MYRIP: variants seen among roughly 807,000 people sequenced by gnomAD.
The protein encoded by MYRIP is rab effector MyRIP.
In MYRIP, 49 loss-of-function variants were observed where a neutral mutation model predicts 98.0. That is an observed-to-expected ratio of 0.50 (90% CI 0.40 to 0.63). The LOEUF is 0.63. Ranked by LOEUF, MYRIP falls within the 30% of genes least tolerant of loss-of-function variation. The probability of loss-of-function intolerance (pLI) is 0.00; values close to 1 mark genes in which losing one functional copy is unlikely to be tolerated. For synonymous variants in MYRIP, 404 were observed against 409.5 expected (o/e 0.99, Z 0.16); for missense variants, 1,004 against 1,058.2 (o/e 0.95, Z 0.71).
chr3:39,896,269 C>T lies in MYRIP; in HGVS notation c.-30-4518C>T, dbSNP rs181584223. On this transcript the variant is annotated intron_variant, in intron 1 of 16. Coordinates refer to ENST00000302541, the MANE Select transcript of MYRIP (RefSeq NM_015460.4). ...GACATTTTGCATAAGTTGGGTGGCA[C>T]GCCTGGTCCAGTCAGCTGTGCCCCA... 1.1e-4 allele frequency among the ~76,000 whole-genome samples: 17 copies of T among 152,296 alleles called. No homozygotes were observed. In the East Asian group the frequency reaches 2.9e-3, roughly 26 times the overall value.
At chr3:40,065,591 T>C (rs549535871) in intron 3 of MYRIP, among the ~76,000 whole-genome samples, 3 of 152,250 alleles carry the variant, frequency 2.0e-5, no homozygotes, top group Admixed American at 6.5e-5. Flanking sequence ...GAAAGAGATA[T>C]AAACAATGAC....
At chr3:39,828,364 G>A (rs1221492410) in intron 1 of MYRIP, among the ~76,000 whole-genome samples, 1 of 151,738 alleles carries the variant, frequency 6.6e-6, no homozygotes, top group Non-Finnish European at 1.5e-5. Context: ...CTTTTGTCCT[G>A]TGTTGTCTGT....
chr3:40,184,683 T>C (rs547764178), intron 9 of MYRIP, among the ~76,000 whole-genome samples: 31 of 152,242 alleles, frequency 2.0e-4, no homozygotes, highest in Non-Finnish European at 4.4e-4. Flanking sequence ...AGATGCTCTA[T>C]TTCACAAAAT....
intron 2 of MYRIP, among the ~76,000 whole-genome samples, chr3:39,941,021 G>T (rs1944770811): frequency 6.6e-6 from 1 of 152,092 alleles, no homozygotes; most frequent in Admixed American, 6.5e-5. Context: ...AAAAGTGAAT[G>T]AAAAAGGTAA....
intron 2 of MYRIP, among the ~76,000 whole-genome samples, chr3:39,974,563 C>A (rs561961287): frequency 1.3e-5 from 2 of 152,326 alleles, no homozygotes; most frequent in African/African-American, 4.8e-5. Context: ...AGGCCAGCAT[C>A]ATCCCGGTAC....
At chr3:39,837,718 C>T (rs1202600475) in intron 1 of MYRIP, among the ~76,000 whole-genome samples, 1 of 151,974 alleles carries the variant, frequency 6.6e-6, no homozygotes, top group Non-Finnish European at 1.5e-5. Flanking sequence ...TGGTTCCATA[C>T]AAAATTTAAA....
intron 3 of MYRIP, among the ~76,000 whole-genome samples, chr3:40,137,957 G>A (rs1053026327): frequency 6.6e-6 from 1 of 152,140 alleles, no homozygotes; most frequent in Non-Finnish European, 1.5e-5. Context: ...ATACATCTAT[G>A]TCATAAATTT....
At position 40,145,474 on chromosome 3, in the gene MYRIP, G is replaced by A. The variant is rs191188039; in HGVS notation, c.333-5574G>A. On this transcript the variant is annotated intron_variant, in intron 3 of 16. Coordinates refer to ENST00000302541, the MANE Select transcript of MYRIP (RefSeq NM_015460.4). ...AAACCAGGGGGAGAAGATAATGTTT[G>A]CCTTCTGCCCTTTCATTCTCCTTCC... 2.0e-5 allele frequency among the ~76,000 whole-genome samples: 3 copies of A among 152,308 alleles called. No individual in the cohort carries two copies. The East Asian group carries it at 5.8e-4, about 29-fold the overall frequency.
At position 39,956,431 on chromosome 3, in the gene MYRIP, G is replaced by A. The variant is rs1186361740; in HGVS notation, c.110+55505G>A. ...AACAACCTGCTCCTGAATGACTAAT[G>A]GGTACATAACAAAATGAAGGCAGAA... On this transcript the variant is annotated intron_variant, in intron 2 of 16. Coordinates refer to ENST00000302541, the MANE Select transcript of MYRIP (RefSeq NM_015460.4). 3.9e-5 allele frequency among the ~76,000 whole-genome samples: 6 copies of A among 152,224 alleles called. No homozygotes were observed. In the East Asian group the frequency reaches 1.2e-3, roughly 29 times the overall value.
chr3:40,212,106 ATATATATATACATATATATACGTG>A lies in MYRIP; in HGVS notation c.1905+2024_1905+2047del, dbSNP rs1164421415. 4.7e-3 allele frequency among the ~76,000 whole-genome samples: 650 copies of A among 137,344 alleles called. 33 individuals carry two copies. The highest frequency in any genetic ancestry group is 0.016 in the African/African-American group (607 of 37,738). 90.1% of individuals were successfully genotyped at this position (137,344 alleles called of 152,430 possible). On this transcript the variant is annotated intron_variant, in intron 11 of 16. Coordinates refer to ENST00000302541, the MANE Select transcript of MYRIP (RefSeq NM_015460.4). ...GCCATATATATATATGTGTGTGTGT[ATATATATATACATATATATACGTG>A]TATATATATATACATATATATACGT...
chr3:39,971,112 C>T lies in MYRIP; in HGVS notation c.110+70186C>T, dbSNP rs535226381. On this transcript the variant is annotated intron_variant, in intron 2 of 16. Coordinates refer to ENST00000302541, the MANE Select transcript of MYRIP (RefSeq NM_015460.4). ...AAAACAAAGTACTTTGAGTCTCCAG[C>T]GGCAGCAACTTGTGGGAAGGCAAAT... is the stretch of plus-strand genomic sequence containing the variant. 1.4e-4 allele frequency among the ~76,000 whole-genome samples: 21 copies of T among 152,100 alleles called. No individual in the cohort carries two copies. In the South Asian group the frequency reaches 2.1e-3, roughly 15 times the overall value.
chr3:40,099,747 C>T (rs1158187940), intron 3 of MYRIP, among the ~76,000 whole-genome samples: 3 of 152,124 alleles, frequency 2.0e-5, no homozygotes, highest in Non-Finnish European at 4.4e-5. Context: ...TAAAGCAAAC[C>T]TCATAGTCTG....
At chr3:39,833,933 G>A (rs766317473) in intron 1 of MYRIP, among the ~76,000 whole-genome samples, 2 of 152,202 alleles carry the variant, frequency 1.3e-5, no homozygotes, top group Non-Finnish European at 2.9e-5. Flanking sequence ...GGATGCTGAG[G>A]CAGGAAAATC....
intron 3 of MYRIP, among the ~76,000 whole-genome samples, chr3:40,110,390 A>T (rs1017439544): frequency 1.3e-5 from 2 of 152,260 alleles, no homozygotes; most frequent in African/African-American, 4.8e-5. Flanking sequence ...TCTAGTTTAG[A>T]GGCAAGAGGC....
intron 1 of MYRIP, among the ~76,000 whole-genome samples, chr3:39,842,906 G>A (rs1414847960): frequency 2.0e-5 from 3 of 152,164 alleles, no homozygotes; most frequent in Admixed American, 6.5e-5. Context: ...CTCCTATTTC[G>A]CTATCTTGCC....
At chr3:40,239,685 T>G (rs2125707497) in intron 12 of MYRIP, among the ~76,000 whole-genome samples, 1 of 150,776 alleles carries the variant, frequency 6.6e-6, no homozygotes, top group African/African-American at 2.5e-5. Flanking sequence ...TTCATGTGTT[T>G]TTGGCTGCAT....
intron 2 of MYRIP, among the ~76,000 whole-genome samples, chr3:39,988,066 A>G (rs542117817): frequency 6.6e-6 from 1 of 152,302 alleles, no homozygotes; most frequent in East Asian, 1.9e-4. Context: ...AAGAACAAAA[A>G]ACCAAACACC....
intron 2 of MYRIP, among the ~76,000 whole-genome samples, chr3:40,032,911 C>G (rs1452072937): frequency 6.6e-6 from 1 of 151,716 alleles, no homozygotes; most frequent in African/African-American, 2.4e-5. Context: ...AAGGCTGGTT[C>G]AATATATGCA....
intron 3 of MYRIP, among the ~76,000 whole-genome samples, chr3:40,134,761 C>A (rs1949725234): frequency 6.6e-6 from 1 of 152,176 alleles, no homozygotes; most frequent in Non-Finnish European, 1.5e-5. Context: ...CTGCTGATAC[C>A]CAGGCAAACA....
Sources: allele counts gnomAD v4.1 joint callset (sites outside exome capture counted in the v4.1 genomes callset), GRCh38; gene constraint gnomAD v4.1.1; transcripts MANE v1.5; gene names NCBI Gene and HGNC (gene_info 2026-07-23, HGNC 2026-07-21).